Variants in ANKRD12 observed in about 807,000 individuals in gnomAD.
The protein encoded by ANKRD12 is ankyrin repeat domain 12, also known as ankyrin repeat domain-containing protein 12.
In ANKRD12, 85 loss-of-function variants were observed where a neutral mutation model predicts 183.4. The observed-to-expected ratio is 0.46, with a 90% CI of 0.39 to 0.56. The LOEUF (loss-of-function observed/expected upper bound fraction) is 0.56, where lower values mean the gene tolerates loss of function less well. Ranked by LOEUF, ANKRD12 falls within the 20% of genes least tolerant of loss-of-function variation. The probability of loss-of-function intolerance (pLI) is 0.00; values close to 1 mark genes in which losing one functional copy is unlikely to be tolerated. For synonymous variants in ANKRD12, 914 were observed against 800.2 expected (o/e 1.14, Z -2.40); for missense variants, 2,405 against 2,357.1 (o/e 1.02, Z -0.42).
At chr18:9,199,392 C>T (rs373984901) in intron 3 of ANKRD12, among the ~76,000 whole-genome samples, 9 of 152,234 alleles carry the variant, frequency 5.9e-5, no homozygotes, top group Admixed American at 3.3e-4. Context: ...TGTGTATATA[C>T]GTGCACACAT....
intron 9 of ANKRD12, among the ~76,000 whole-genome samples, chr18:9,262,560 A>G (rs1472462864): frequency 6.6e-6 from 1 of 151,922 alleles, no homozygotes; most frequent in Non-Finnish European, 1.5e-5. Flanking sequence ...TCTGGACTCA[A>G]GCTATCCTCC....
chr18:9,179,670 C>A (rs1467477050), intron 1 of ANKRD12, among the ~76,000 whole-genome samples: 3 of 152,062 alleles, frequency 2.0e-5, no homozygotes, highest in Admixed American at 2.0e-4. Context: ...CACGGACCAC[C>A]ATGCCCAGCT....
intron 8 of ANKRD12, among the ~76,000 whole-genome samples, chr18:9,234,743 T>C (rs1234517617): frequency 6.6e-6 from 1 of 152,120 alleles, no homozygotes; most frequent in Non-Finnish European, 1.5e-5. Flanking sequence ...GGAAAGGGGA[T>C]AGTGACCCAG....
At chr18:9,180,149 A>G (rs1027690153) in intron 1 of ANKRD12, among the ~76,000 whole-genome samples, 54 of 152,194 alleles carry the variant, frequency 3.5e-4, no homozygotes, top group African/African-American at 1.2e-3. Context: ...TGTTGGTTGC[A>G]TACATATGTC....
In ANKRD12 at chr18:9,257,508, T is replaced by C; in HGVS notation, c.4241T>C (p.Ile1414Thr). The C allele has an allele frequency of 6.2e-7, 1 of 1,614,058 alleles. No homozygotes were observed. Residue 1414 changes from isoleucine to threonine, a missense_variant, in exon 9 of 13, where the codon ATC (isoleucine) becomes ACC (threonine). By Grantham distance (89) the Ile-to-Thr change is moderately conservative (BLOSUM62 -1). Around this residue, in one of 7 missense-constraint regions of ANKRD12, gnomAD observed 1,983 missense variants for 1,725.9 expected, o/e 1.15. Transcript: ENST00000262126. Reference sequence around the variant, plus strand: ...GAGCCATCTAGTCAGGTTGGTGTGATCCAGAATAAATCATGGGAGATGCCT... The same window carrying C: ...GAGCCATCTAGTCAGGTTGGTGTGACCCAGAATAAATCATGGGAGATGCCT... ...HLEPSSQVGV[I>T]QNKSWEMPVD...
intron 8 of ANKRD12, among the ~76,000 whole-genome samples, chr18:9,243,420 G>T (rs943090802): frequency 2.0e-5 from 3 of 152,162 alleles, no homozygotes; most frequent in Non-Finnish European, 4.4e-5. Context: ...AATATGAAAA[G>T]AAATCCAGAG....
intron 5 of ANKRD12, among the ~76,000 whole-genome samples, chr18:9,209,834 C>T (rs916834346): frequency 5.3e-5 from 8 of 152,032 alleles, no homozygotes; most frequent in Non-Finnish European, 1.2e-4. Context: ...TTTAAAATAG[C>T]GTGAACCTTT....
Position 9,256,496 on chromosome 18 carries a change from C to A in ANKRD12, c.3229C>A (p.Gln1077Lys). 2.5e-6 allele frequency: 4 copies of A among 1,612,088 alleles called. No individual in the cohort carries two copies. The highest frequency in any genetic ancestry group is 3.4e-6 in the Non-Finnish European group (4 of 1,179,484). The change falls in exon 9 of 13, where the codon CAG becomes AAG. Residue 1077 changes from glutamine to lysine, a missense_variant. Around this residue, in one of 7 missense-constraint regions of ANKRD12, gnomAD observed 1,983 missense variants for 1,725.9 expected, o/e 1.15. Transcript: ENST00000262126. The part of the protein sequence containing the change: ...EKRLVNDDLM[Q>K]TSFERMLSLK... ...GAGGTTAGTGAATGATGATTTAATG[C>A]AGACAAGTTTTGAACGAATGCTAAG...
rs375061054 is a variant in ANKRD12, at chr18:9,225,552, CT to C, written c.943+3554del. On this transcript the variant is annotated intron_variant, in intron 8 of 12. Transcript: ENST00000262126. ...AATGTAGAAATACTAATTTTTCCCC[CT>C]ACTCTGTCCTGAAATGATTTTGTAA... Among the ~76,000 whole-genome samples the C allele has an allele frequency of 6.8e-4, 103 of 151,870 alleles. No individual in the cohort carries two copies. In the South Asian group the frequency reaches 0.019, roughly 28 times the overall value.
At chr18:9,159,610 T>TG (rs1465690571) in intron 1 of ANKRD12, among the ~76,000 whole-genome samples, 1 of 150,036 alleles carries the variant, frequency 6.7e-6, no homozygotes, top group African/African-American at 2.5e-5. Flanking sequence ...TTTTTTTTTT[T>TG]TTGTATTTTT....
At chr18:9,202,600 T>G (rs948286402) in intron 3 of ANKRD12, among the ~76,000 whole-genome samples, 1 of 152,182 alleles carries the variant, frequency 6.6e-6, no homozygotes, top group Non-Finnish European at 1.5e-5. Context: ...TTAAAAAGAT[T>G]GGTTTTAAAA....
At chr18:9,173,397 T>C (rs1371431805) in intron 1 of ANKRD12, among the ~76,000 whole-genome samples, 4 of 152,014 alleles carry the variant, frequency 2.6e-5, no homozygotes, top group Non-Finnish European at 5.9e-5. Flanking sequence ...GGGGTTTTTG[T>C]GGTGTCTTTT....
intron 1 of ANKRD12, among the ~76,000 whole-genome samples, chr18:9,139,918 GTTTC>G (rs1462933625): frequency 3.3e-5 from 5 of 152,190 alleles, no homozygotes; most frequent in African/African-American, 1.2e-4. Flanking sequence ...TGGCCGAGAG[GTTTC>G]TTTCTGTGAA....
At chr18:9,161,737 GA>G (rs1255015820) in intron 1 of ANKRD12, among the ~76,000 whole-genome samples, 20 of 146,774 alleles carry the variant, frequency 1.4e-4, no homozygotes, top group Admixed American at 1.3e-3. Flanking sequence ...GTGATATGTT[GA>G]TGTGTGTGTG....
intron 1 of ANKRD12, among the ~76,000 whole-genome samples, chr18:9,176,144 A>G (rs888681539): frequency 3.9e-5 from 6 of 152,186 alleles, no homozygotes; most frequent in African/African-American, 1.4e-4. Context: ...TTGCTAAGAT[A>G]ATGACATTGA....
intron 1 of ANKRD12, among the ~76,000 whole-genome samples, chr18:9,159,661 G>A (rs984529098): frequency 4.6e-5 from 7 of 150,760 alleles, no homozygotes; most frequent in African/African-American, 1.5e-4. Context: ...GGATGGTCTC[G>A]ATCTCCTGAC....
intron 2 of ANKRD12, among the ~76,000 whole-genome samples, chr18:9,186,188 T>C (rs958626142): frequency 5.3e-5 from 8 of 149,688 alleles, no homozygotes; most frequent in Non-Finnish European, 1.0e-4. Flanking sequence ...TCGCCCAGGC[T>C]GGAGTGCAGT....
At chr18:9,225,547 TC>T (rs1037746519) in intron 8 of ANKRD12, among the ~76,000 whole-genome samples, 1 of 152,086 alleles carries the variant, frequency 6.6e-6, no homozygotes, top group Non-Finnish European at 1.5e-5. Flanking sequence ...TACTAATTTT[TC>T]CCCCTACTCT....
chr18:9,137,582 C>T (rs978405943), intron 1 of ANKRD12: 1 of 150,580 alleles, frequency 6.6e-6, no homozygotes, highest in East Asian at 1.9e-4. Flanking sequence ...GGGCCGGGAG[C>T]GTCGGAGGTA....
Sources: allele counts gnomAD v4.1 joint callset (sites outside exome capture counted in the v4.1 genomes callset), GRCh38; gene constraint gnomAD v4.1.1; regional missense constraint gnomAD v4.1.1; transcripts MANE v1.5; gene names NCBI Gene and HGNC (gene_info 2026-07-23, HGNC 2026-07-21).